SND1: variants seen among roughly 807,000 people sequenced by gnomAD.
SND1 encodes staphylococcal nuclease and tudor domain containing 1.
Under a neutral mutation model 121.7 loss-of-function variants are expected in SND1, and 38 were observed. That is an observed-to-expected ratio of 0.31 (90% CI 0.24 to 0.41). The LOEUF (loss-of-function observed/expected upper bound fraction) is 0.41. SND1 is among the 10% of genes least tolerant of loss of function. SND1 has a pLI of 1.00. For synonymous variants in SND1, 401 were observed against 447.4 expected (o/e 0.90, Z 1.31); for missense variants, 868 against 1,184.6 (o/e 0.73, Z 3.92).
intron 2 of SND1, among the ~76,000 whole-genome samples, chr7:127,691,779 ATTTTTTTTT>A (rs75566883): frequency 7.9e-6 from 1 of 127,084 alleles, no homozygotes; most frequent in Non-Finnish European, 1.7e-5. Flanking sequence ...TGCCTGGCTA[ATTTTTTTTT>A]TTTTTTTTTT....
At chr7:127,824,643 TA>T (rs960237709) in intron 11 of SND1, among the ~76,000 whole-genome samples, 1 of 151,876 alleles carries the variant, frequency 6.6e-6, no homozygotes, top group East Asian at 1.9e-4. Context: ...GTCCCAGTGC[TA>T]AAAAAAAGAT....
chr7:127,751,537 A>T (rs958792288), intron 10 of SND1, among the ~76,000 whole-genome samples: 2 of 152,186 alleles, frequency 1.3e-5, no homozygotes, highest in Non-Finnish European at 2.9e-5. Context: ...GAGGCTTACC[A>T]GTTAAAAAAG....
chr7:127,653,756 TTCTTAAGGTAATAG>T (rs1795164558), intron 1 of SND1, among the ~76,000 whole-genome samples: 1 of 152,228 alleles, frequency 6.6e-6, no homozygotes, highest in African/African-American at 2.4e-5. Context: ...ATGTGCTCAT[TTCTTAAGGTAATAG>T]TCTGCCACCA....
At chr7:127,686,941 C>T in intron 2 of SND1, 179 bp downstream of exon 2, 1 of 609,124 alleles carries the variant, frequency 1.6e-6, no homozygotes, top group Non-Finnish European at 2.7e-6. Flanking sequence ...ATGTTTACTA[C>T]CTTTAGTGGC....
intron 16 of SND1, among the ~76,000 whole-genome samples, chr7:128,053,519 C>T (rs1234540803): frequency 2.0e-5 from 3 of 152,120 alleles, no homozygotes; most frequent in Non-Finnish European, 4.4e-5. Flanking sequence ...TTTCCCCCCA[C>T]TACCTGGAAA....
chr7:127,950,221 T>C (rs1801430600), intron 15 of SND1, among the ~76,000 whole-genome samples: 1 of 152,168 alleles, frequency 6.6e-6, no homozygotes, highest in African/African-American at 2.4e-5. Context: ...TCCCCCTTTT[T>C]TTTTCCTCTA....
intron 11 of SND1, among the ~76,000 whole-genome samples, chr7:127,840,266 G>A (rs1291612995): frequency 4.6e-5 from 7 of 152,176 alleles, no homozygotes; most frequent in South Asian, 2.1e-4. Context: ...GTGAAATGAT[G>A]CTCTGATGTT....
At position 127,980,328 on chromosome 7, in the gene SND1, G is replaced by T; in HGVS notation, c.1670-10619G>T. 9.0e-5 allele frequency among the ~76,000 whole-genome samples: 2 copies of T among 22,126 alleles called. 1 individual carries two copies. Among genetic ancestry groups the T allele is most frequent in the Non-Finnish European group, 1.6e-4 (2 of 12,342 alleles). 14.5% of individuals were successfully genotyped at this position (22,126 alleles called of 152,430 possible). A position where few individuals can be genotyped will look rare whatever the true frequency, so the allele number is the denominator to read the frequency against. On this transcript the variant is annotated intron_variant, in intron 15 of 23. Coordinates refer to ENST00000354725, the MANE Select transcript of SND1 (RefSeq NM_014390.4). ...GTAGAGACGGGGTTTCACCGTTTTA[G>T]CCGGGATGGTCTCGATCTCCTGACC...
chr7:128,083,964 C>T (rs1270067599), intron 18 of SND1, among the ~76,000 whole-genome samples: 12 of 152,104 alleles, frequency 7.9e-5, no homozygotes, highest in Non-Finnish European at 1.8e-4. Flanking sequence ...GACCACTGAC[C>T]CAAGGTCAGA....
intron 16 of SND1, among the ~76,000 whole-genome samples, chr7:128,006,285 CT>C (rs1018868934): frequency 2.6e-5 from 4 of 152,030 alleles, no homozygotes; most frequent in Admixed American, 1.3e-4. Context: ...AGTATCTTGA[CT>C]TTCACTTGGA....
chr7:127,652,530 C>T, intron 1 of SND1, 79 bp downstream of exon 1: 4 of 1,190,256 alleles, frequency 3.4e-6, no homozygotes, highest in Non-Finnish European at 4.8e-6. Flanking sequence ...TTCCGCCAGC[C>T]TGCTCCATGT....
chr7:128,017,063 T>C (rs531074057), intron 16 of SND1, among the ~76,000 whole-genome samples: 3 of 152,324 alleles, frequency 2.0e-5, no homozygotes, highest in South Asian at 4.1e-4. Context: ...ATGTGGCAGA[T>C]ACACTACCAC....
intron 10 of SND1, among the ~76,000 whole-genome samples, chr7:127,742,214 T>C (rs1410019280): frequency 1.3e-5 from 2 of 152,136 alleles, no homozygotes; most frequent in South Asian, 4.1e-4. Flanking sequence ...AACTGATGAG[T>C]CGAGAGGACA....
chr7:127,996,221 A>C (rs1380055586), intron 16 of SND1, among the ~76,000 whole-genome samples: 2 of 152,186 alleles, frequency 1.3e-5, no homozygotes, highest in Non-Finnish European at 2.9e-5. Flanking sequence ...TTTCAGGGGA[A>C]TGTGGCCTCA....
chr7:127,815,215 C>G (rs144622267), intron 11 of SND1, among the ~76,000 whole-genome samples: 3 of 152,204 alleles, frequency 2.0e-5, no homozygotes, highest in Admixed American at 1.3e-4. Context: ...CATCTCGAAC[C>G]TTAGAGTGTG....
intron 12 of SND1, among the ~76,000 whole-genome samples, chr7:127,872,059 A>G (rs1799599925): frequency 1.3e-5 from 2 of 152,108 alleles, no homozygotes. Flanking sequence ...TTGAGCCCAG[A>G]AGTTCGAGTC....
At chr7:127,816,771 C>T (rs955308316) in intron 11 of SND1, among the ~76,000 whole-genome samples, 8 of 149,396 alleles carry the variant, frequency 5.4e-5, no homozygotes, top group Admixed American at 4.1e-4. Context: ...TCAAGCAGTT[C>T]TCATGCCCCA....
chr7:127,811,742 T>C (rs1798338557), intron 11 of SND1, among the ~76,000 whole-genome samples: 1 of 152,216 alleles, frequency 6.6e-6, no homozygotes, highest in African/African-American at 2.4e-5. Context: ...GTGAGCTAGG[T>C]TGGCAACCCA....
intron 15 of SND1, among the ~76,000 whole-genome samples, chr7:127,959,376 G>C (rs540636658): frequency 6.6e-6 from 1 of 152,182 alleles, no homozygotes; most frequent in South Asian, 2.1e-4. Flanking sequence ...TTCATCCCTG[G>C]GTACCATTCT....
Sources: gnomAD v4.1 joint callset for allele counts (sites outside exome capture counted in the v4.1 genomes callset) on GRCh38, gnomAD v4.1.1 for gene constraint, MANE v1.5 for transcripts, NCBI Gene and HGNC (gene_info 2026-07-23, HGNC 2026-07-21) for gene names.